Variants in PEPD observed in about 807,000 individuals in gnomAD.
The protein encoded by PEPD is peptidase D.
Under a neutral mutation model 60.7 loss-of-function variants are expected in PEPD, and 53 were observed. That is an observed-to-expected ratio of 0.87 (90% confidence interval 0.70 to 1.10). The LOEUF (loss-of-function observed/expected upper bound fraction) is 1.10, where lower values mean the gene tolerates loss of function less well. Among genes scored for constraint, PEPD ranks in the 50% least tolerant of loss-of-function variants. The probability of loss-of-function intolerance (pLI) is 0.00; values close to 1 mark genes in which losing one functional copy is unlikely to be tolerated. For synonymous variants in PEPD, 267 were observed against 284.1 expected (o/e 0.94, Z 0.60); for missense variants, 711 against 711.9 (o/e 1.00, Z 0.01).
At chr19:33,394,928 C>T (rs186688570) in intron 12 of PEPD, among the ~76,000 whole-genome samples, 14 of 152,332 alleles carry the variant, frequency 9.2e-5, no homozygotes, top group Admixed American at 5.9e-4. Context: ...CTCCCTCCTC[C>T]GCTGCACACC....
At position 33,521,771 on chromosome 19, in the gene PEPD, C is replaced by T. The variant is rs746272071; in HGVS notation, c.-11G>A. 18 of 1,574,026 alleles carry T rather than the reference C, an allele frequency of 1.1e-5. 1 individual carries two copies. The South Asian group carries it at 1.6e-4, about 14-fold the overall frequency. ...GGTGGCCGCCGCCATGTTCGCCCGG[C>T]ACCGGCGTCACGTGAAGTGCGGCGT... On this transcript the variant is annotated 5_prime_UTR_variant, in exon 1 of 15. Coordinates refer to ENST00000244137, the MANE Select transcript of PEPD (RefSeq NM_000285.4).
intron 1 of PEPD, 107 bp from the exon 2 acceptor site, chr19:33,512,883 C>G: frequency 8.0e-7 from 1 of 1,247,872 alleles, no homozygotes; most frequent in South Asian, 1.2e-5. Context: ...CCGTGGGACC[C>G]CCATCAGCAC....
chr19:33,412,164 C>A (rs984683932), intron 10 of PEPD, among the ~76,000 whole-genome samples: 1 of 152,094 alleles, frequency 6.6e-6, no homozygotes, highest in African/African-American at 2.4e-5. Context: ...GGCAACATGG[C>A]GAAACCCTAC....
Position 33,512,739 on chromosome 19 carries a change from G to T in PEPD, c.55C>A (p.Pro19Thr). Residue 19 changes from proline (P) to threonine (T), a missense_variant, in exon 2 of 15, where the codon CCG (proline) becomes ACG (threonine). Physicochemically the swap from Pro to Thr is conservative, Grantham distance 38. Coordinates refer to ENST00000244137, the MANE Select transcript of PEPD (RefSeq NM_000285.4). The stretch of plus-strand genomic sequence containing the variant: ...CGGTTCAAGGCAAAGAGCGCCAGCG[G>T]CACCTTCAGGGTTTCATTCCCCAGC... Reference protein sequence around the residue: ...FWLGNETLKVPLALFALNRQR... With the variant: ...FWLGNETLKVTLALFALNRQR... 6.2e-7 allele frequency: 1 copy of T among 1,614,118 alleles called. No homozygotes were observed. The highest frequency in any genetic ancestry group is 8.5e-7 in the Non-Finnish European group (1 of 1,179,998).
At chr19:33,497,510 C>G (rs866539298) in intron 4 of PEPD, among the ~76,000 whole-genome samples, 1 of 152,244 alleles carries the variant, frequency 6.6e-6, no homozygotes, top group Admixed American at 6.5e-5. Flanking sequence ...GAGGGAACCT[C>G]GGAGCCAGCT....
chr19:33,431,267 C>T (rs1306428077), intron 9 of PEPD, among the ~76,000 whole-genome samples: 7 of 151,960 alleles, frequency 4.6e-5, no homozygotes, highest in East Asian at 1.9e-4. Context: ...AAGAGAGGGA[C>T]GAAAAGAAAG....
At chr19:33,404,271 G>T (rs1275529994) in intron 11 of PEPD, among the ~76,000 whole-genome samples, 1 of 152,214 alleles carries the variant, frequency 6.6e-6, no homozygotes, top group South Asian at 2.1e-4. Context: ...AAAATGGTTT[G>T]TGGTTTGTTG....
At chr19:33,408,101 G>C (rs536401734) in intron 11 of PEPD, among the ~76,000 whole-genome samples, 9 of 152,378 alleles carry the variant, frequency 5.9e-5, no homozygotes, top group Non-Finnish European at 2.9e-5. Flanking sequence ...CTGCTGGAAG[G>C]GTAAGGACGG....
chr19:33,388,500 C>T, intron 13 of PEPD: 1 of 315,102 alleles, frequency 3.2e-6, no homozygotes, highest in Admixed American at 3.9e-5. Context: ...CTTGGGGCCA[C>T]AGCTTTCCTT....
At chr19:33,516,904 T>C (rs1971032704) in intron 1 of PEPD, among the ~76,000 whole-genome samples, 1 of 152,168 alleles carries the variant, frequency 6.6e-6, no homozygotes, top group African/African-American at 2.4e-5. Flanking sequence ...TCCCCACAAC[T>C]TCAAAGTTAA....
At position 33,468,087 on chromosome 19, in the gene PEPD, G is replaced by T. The variant is rs1485991562; in HGVS notation, c.549-4025C>A. ...ATGATGGAGAGGCACGAGCCCTTTCGGTTTGGGGCTGGCCACCCGGTGAGG... is the reference window on the plus strand; with the variant it reads ...ATGATGGAGAGGCACGAGCCCTTTCTGTTTGGGGCTGGCCACCCGGTGAGG... On this transcript the variant is annotated intron_variant, in intron 7 of 14. Coordinates refer to ENST00000244137, the MANE Select transcript of PEPD (RefSeq NM_000285.4). Among the ~76,000 whole-genome samples the T allele has an allele frequency of 2.6e-5, 4 of 152,134 alleles. No homozygotes were observed. In the East Asian group the frequency reaches 7.7e-4, roughly 29 times the overall value.
chr19:33,490,093 C>G, intron 5 of PEPD, 36 bp from the exon 6 acceptor site: 1 of 1,495,426 alleles, frequency 6.7e-7, no homozygotes, highest in Non-Finnish European at 9.3e-7. Context: ...CACACGGGGC[C>G]GCATGGCGCC....
Position 33,388,064 on chromosome 19 carries a change from G to A in PEPD, c.1170C>T (p.Asp390=), listed in dbSNP as rs1362850797. ...TGCGCAGGCTCCGCAGGCCGGGCTC[G>A]TCGATGCGCTCCACGCCCTGTGGGG... is the stretch of plus-strand genomic sequence containing the variant. ...GGYPEGVERI[D]EPGLRSLRTA... The change falls in exon 14 of 15, where the codon GAC becomes GAT. Residue 390 remains aspartate (D), a synonymous_variant. Coordinates refer to ENST00000244137, the MANE Select transcript of PEPD (RefSeq NM_000285.4). 14 of 1,550,684 alleles carry A rather than the reference G, an allele frequency of 9.0e-6. No homozygotes were observed. The Admixed American group carries it at 1.4e-4, about 15-fold the overall frequency.
rs572255225 is a variant in PEPD, at chr19:33,512,911, C to A, written c.18-135G>T. The A allele has an allele frequency of 6.0e-5, 54 of 901,654 alleles. 1 individual carries two copies. In the East Asian group the frequency reaches 1.3e-3, roughly 22 times the overall value. The allele number at this position is 901,654 out of a possible 1,614,324, so 55.9% of individuals were successfully genotyped here. On this transcript the variant is annotated intron_variant, in intron 1 of 14. Coordinates refer to ENST00000244137, the MANE Select transcript of PEPD (RefSeq NM_000285.4). Reference sequence around the variant, plus strand: ...ATCAGCACGGGGCAAGCTGCCCAAGCTCCACCTACTTATGACCCAGAAACA... The same window carrying A: ...ATCAGCACGGGGCAAGCTGCCCAAGATCCACCTACTTATGACCCAGAAACA...
intron 6 of PEPD, among the ~76,000 whole-genome samples, chr19:33,480,874 C>T (rs1298480439): frequency 6.6e-6 from 1 of 151,732 alleles, no homozygotes; most frequent in Non-Finnish European, 1.5e-5. Flanking sequence ...CTCTAAAATA[C>T]TCAGCCAATA....
At chr19:33,516,937 G>C (rs1394979627) in intron 1 of PEPD, among the ~76,000 whole-genome samples, 1 of 152,146 alleles carries the variant, frequency 6.6e-6, no homozygotes. Context: ...AGGCGCAGTG[G>C]CTCATGCCTA....
intron 11 of PEPD, among the ~76,000 whole-genome samples, chr19:33,404,040 C>T (rs1031639819): frequency 6.6e-6 from 1 of 152,188 alleles, no homozygotes. Flanking sequence ...ATCACGGGTC[C>T]AGGAAAGCCC....
At chr19:33,407,839 G>A (rs950184448) in intron 11 of PEPD, among the ~76,000 whole-genome samples, 1 of 152,224 alleles carries the variant, frequency 6.6e-6, no homozygotes, top group African/African-American at 2.4e-5. Flanking sequence ...CCAGGCTGAG[G>A]GTGTATGCAG....
intron 9 of PEPD, among the ~76,000 whole-genome samples, chr19:33,449,146 G>A (rs751993230): frequency 5.3e-5 from 8 of 152,366 alleles, no homozygotes; most frequent in Non-Finnish European, 1.2e-4. Context: ...CTGGCCCACT[G>A]TAGAGAAGAC....
Sources: gnomAD v4.1 joint callset for allele counts (sites outside exome capture counted in the v4.1 genomes callset) on GRCh38, gnomAD v4.1.1 for gene constraint, MANE v1.5 for transcripts, NCBI Gene and HGNC (gene_info 2026-07-23, HGNC 2026-07-21) for gene names.